Variants in CSMD1 observed in about 807,000 individuals in gnomAD.
The protein encoded by CSMD1 is CUB and Sushi multiple domains 1, also known as CUB and sushi domain-containing protein 1.
In CSMD1, 213 loss-of-function variants were observed where a neutral mutation model predicts 417.5. The observed-to-expected ratio is 0.51, with a 90% CI of 0.46 to 0.57. The LOEUF is 0.57. CSMD1 is among the 20% of genes least tolerant of loss of function. The probability of loss-of-function intolerance (pLI) is 0.00; values close to 1 mark genes in which losing one functional copy is unlikely to be tolerated. For missense variants in CSMD1, 6,923 were observed against 4,529.7 expected (o/e 1.53, Z -15.17); for synonymous variants, 2,862 against 1,736.8 (o/e 1.65, Z -16.11).
chr8:4,034,113 G>C (rs1028976724), intron 3 of CSMD1, among the ~76,000 whole-genome samples: 1 of 152,108 alleles, frequency 6.6e-6, no homozygotes, highest in Non-Finnish European at 1.5e-5. Context: ...ATATAATGTA[G>C]AATAATATTT....
rs1811646156 is a variant in CSMD1 at position 4,994,399 on chromosome 8, TCTC to T, written c.15_17del (p.Arg6del). On this transcript the variant is annotated inframe_deletion, in exon 1 of 70. Transcript: ENST00000635120. The stretch of plus-strand genomic sequence containing the variant: ...CGAGAAGCAGGAGCAGCGACTGGAA[TCTC>T]CTCCACGCAGTCATGTCTGCAGATA... The T allele has an allele frequency of 6.2e-7, 1 of 1,612,174 alleles. No homozygotes were observed. Among genetic ancestry groups the T allele is most frequent in the Non-Finnish European group, 8.5e-7 (1 of 1,179,760 alleles).
At chr8:3,762,475 C>T (rs1444771458) in intron 5 of CSMD1, among the ~76,000 whole-genome samples, 3 of 152,216 alleles carry the variant, frequency 2.0e-5, no homozygotes. Flanking sequence ...GTATAAGGCA[C>T]ATGGCTGTGC....
intron 3 of CSMD1, among the ~76,000 whole-genome samples, chr8:4,106,009 G>C (rs1394986856): frequency 6.6e-6 from 1 of 152,302 alleles, no homozygotes; most frequent in East Asian, 1.9e-4. Context: ...TTGCATCTTC[G>C]GGTGTGCCAC....
At chr8:3,646,710 G>A (rs4376516) in intron 7 of CSMD1, among the ~76,000 whole-genome samples, 2,139 of 152,152 alleles carry the variant, frequency 0.014, 55 homozygotes, top group African/African-American at 0.048. Flanking sequence ...TCTAAACAGC[G>A]CTTTCGACCT....
intron 7 of CSMD1, among the ~76,000 whole-genome samples, chr8:3,638,435 AC>A (rs1797148213): frequency 6.7e-6 from 1 of 150,298 alleles, no homozygotes; most frequent in African/African-American, 2.5e-5. Context: ...CCGCAACTGC[AC>A]CCCTCCAAAA....
At chr8:3,812,700 G>A (rs187529267) in intron 5 of CSMD1, among the ~76,000 whole-genome samples, 2 of 152,302 alleles carry the variant, frequency 1.3e-5, no homozygotes, top group Admixed American at 1.3e-4. Context: ...GACAACATGA[G>A]CTGTTTGTTT....
At chr8:3,299,228 G>C (rs1804198245) in intron 25 of CSMD1, among the ~76,000 whole-genome samples, 2 of 152,234 alleles carry the variant, frequency 1.3e-5, no homozygotes, top group African/African-American at 4.8e-5. Context: ...GAGGTGGGTG[G>C]ATCGCCTGAG....
intron 5 of CSMD1, among the ~76,000 whole-genome samples, chr8:3,971,397 T>C (rs1460760171): frequency 1.3e-5 from 2 of 152,182 alleles, no homozygotes; most frequent in Non-Finnish European, 2.9e-5. Context: ...TATTAAGTTT[T>C]TATAAAATGT....
At chr8:3,282,315 C>G (rs1020062541) in intron 26 of CSMD1, among the ~76,000 whole-genome samples, 1 of 151,898 alleles carries the variant, frequency 6.6e-6, no homozygotes, top group African/African-American at 2.4e-5. Context: ...ACAGAGAGCA[C>G]GTGGGAACTC....
At chr8:3,966,350 T>C (rs1812677145) in intron 5 of CSMD1, among the ~76,000 whole-genome samples, 2 of 152,284 alleles carry the variant, frequency 1.3e-5, no homozygotes, top group South Asian at 4.1e-4. Flanking sequence ...TCATTCACTC[T>C]CCCAAATTTA....
rs548216847 is a variant in CSMD1, at chr8:4,319,086, A to G, written c.415+100867T>C. ...CTTTTACTTCATTAGTAGTCCTCAC[A>G]TATACATGCACATAGTAACAAAGTA... On this transcript the variant is annotated intron_variant, in intron 3 of 69. Coordinates refer to ENST00000635120, the MANE Select transcript of CSMD1 (RefSeq NM_033225.6). 2.9e-3 allele frequency among the ~76,000 whole-genome samples: 443 copies of G among 152,304 alleles called. 2 individuals are homozygous for G. The highest frequency in any genetic ancestry group is 3.2e-3 in the Non-Finnish European group (220 of 68,024).
In CSMD1 at chr8:4,543,629, CCT is replaced by C. The variant is rs1208764250; in HGVS notation, c.302+93711_302+93712del. ...AAGTTTCAATTCATTTCAGTAGATA[CCT>C]ATGATGGCTGGATCATATGGGAAGG... On this transcript the variant is annotated intron_variant, in intron 2 of 69. Transcript: ENST00000635120. Among the ~76,000 whole-genome samples, 38 of 128,700 alleles carry C rather than the reference CCT, an allele frequency of 3.0e-4. No homozygotes were observed. The South Asian group carries it at 6.5e-3, about 22-fold the overall frequency. The allele number at this position is 128,700 out of a possible 152,430, so 84.4% of individuals were successfully genotyped here.
chr8:3,097,318 TTCA>T (rs1326723954), intron 46 of CSMD1, among the ~76,000 whole-genome samples: 3 of 152,162 alleles, frequency 2.0e-5, no homozygotes, highest in African/African-American at 7.2e-5. Context: ...CATCCTGGAT[TTCA>T]TCATACAATG....
rs189234265 is a variant in CSMD1 at position 3,454,216 on chromosome 8, T to G, written c.1561+14496A>C. On this transcript the variant is annotated intron_variant, in intron 12 of 69. Coordinates refer to ENST00000635120, the MANE Select transcript of CSMD1 (RefSeq NM_033225.6). The stretch of plus-strand genomic sequence containing the variant: ...TGAGCCTATGTGTGTCTCTGCACGT[T>G]AGATGGGTCTCCTGAATATAGCACA... Among the ~76,000 whole-genome samples, 10 of 152,318 alleles carry G rather than the reference T, an allele frequency of 6.6e-5. No homozygotes were observed. In the East Asian group the frequency reaches 7.7e-4, roughly 12 times the overall value.
intron 3 of CSMD1, among the ~76,000 whole-genome samples, chr8:4,309,212 T>C (rs1055729652): frequency 1.3e-5 from 2 of 152,140 alleles, no homozygotes; most frequent in African/African-American, 2.4e-5. Context: ...AGGGTCAGTT[T>C]GATATTACCG....
chr8:3,583,401 T>C (rs1182292568), intron 9 of CSMD1, among the ~76,000 whole-genome samples: 1 of 151,896 alleles, frequency 6.6e-6, no homozygotes, highest in East Asian at 1.9e-4. Context: ...TAGAAATCTA[T>C]CTTGTAAGGA....
intron 1 of CSMD1, among the ~76,000 whole-genome samples, chr8:4,689,480 TTTTC>T (rs886198622): frequency 4.7e-4 from 72 of 152,224 alleles, no homozygotes; most frequent in South Asian, 1.7e-3. Flanking sequence ...GAAAAAAGGG[TTTTC>T]TTTATGACGT....
chr8:3,379,257 C>G (rs1233415620), intron 18 of CSMD1, among the ~76,000 whole-genome samples: 1 of 151,966 alleles, frequency 6.6e-6, no homozygotes, highest in Non-Finnish European at 1.5e-5. Flanking sequence ...AGGACACAAA[C>G]AAATAAAAAA....
chr8:3,481,614 G>A (rs542283499), intron 11 of CSMD1, among the ~76,000 whole-genome samples: 5 of 152,264 alleles, frequency 3.3e-5, no homozygotes, highest in African/African-American at 9.6e-5. Context: ...GAAATGTGGG[G>A]GATTGTCCTG....
Sources: gnomAD v4.1 joint callset for allele counts (sites outside exome capture counted in the v4.1 genomes callset) on GRCh38, gnomAD v4.1.1 for gene constraint, MANE v1.5 for transcripts, NCBI Gene and HGNC (gene_info 2026-07-23, HGNC 2026-07-21) for gene names.